Variants in C19orf38 observed in about 807,000 individuals in gnomAD.
C19orf38 encodes the protein chromosome 19 open reading frame 38.
In C19orf38, 14 loss-of-function variants were observed where a neutral mutation model predicts 26.6. The ratio of observed to expected loss-of-function variants is 0.53; its 90% confidence interval spans 0.35 to 0.82. C19orf38 has a LOEUF of 0.82. Among genes scored for constraint, C19orf38 ranks in the 40% least tolerant of loss-of-function variants. The probability of loss-of-function intolerance (pLI) is 0.01; values close to 1 mark genes in which losing one functional copy is unlikely to be tolerated. For synonymous variants in C19orf38, 132 were observed against 128.5 expected (o/e 1.03, Z -0.18); for missense variants, 261 against 299.5 (o/e 0.87, Z 0.95).
intron 1 of C19orf38, among the ~76,000 whole-genome samples, chr19:10,838,087 A>T (rs568092770): frequency 9.8e-5 from 15 of 152,300 alleles, no homozygotes; most frequent in Admixed American, 4.6e-4. Flanking sequence ...TGATTTTTTT[A>T]AATACAGTAA....
At chr19:10,853,525 T>A (rs4804535) in intron 2 of C19orf38, among the ~76,000 whole-genome samples, 151,697 of 151,710 alleles carry the variant, frequency 1, 75,842 homozygotes, top group Middle Eastern at 1. Flanking sequence ...ACCTCAGGTG[T>A]TCTGCCTGCC....
In C19orf38 at chr19:10,850,324, C is replaced by A; in HGVS notation, c.97C>A (p.Pro33Thr). 1 of 1,551,288 alleles carries A rather than the reference C, an allele frequency of 6.4e-7. No individual in the cohort carries two copies. The highest frequency in any genetic ancestry group is 1.2e-5 in the South Asian group (1 of 84,030). Reference sequence around the variant, plus strand: ...CCCGTACCCAAGCAGCCAAGAGGACCCCATCCACATCGCATGCATGGCCCC... The same window carrying A: ...CCCGTACCCAAGCAGCCAAGAGGACACCATCCACATCGCATGCATGGCCCC... ...VPPYPSSQED[P>T]IHIACMAPGN... Residue 33 changes from proline (P) to threonine (T), a missense_variant, in exon 2 of 7, where the codon CCC (proline) becomes ACC (threonine). By Grantham distance (38) the Pro-to-Thr change is conservative. Transcript: ENST00000397820.
intron 6 of C19orf38, among the ~76,000 whole-genome samples, chr19:10,864,716 G>A (rs2073735619): frequency 6.6e-6 from 1 of 152,166 alleles, no homozygotes; most frequent in Non-Finnish European, 1.5e-5. Context: ...AATGTTGGCA[G>A]TGGAGTTCGA....
rs576649219 is a variant in C19orf38 at position 10,861,878 on chromosome 19, G to A, written c.506-1292G>A. Among the ~76,000 whole-genome samples, 4 of 151,690 alleles carry A rather than the reference G, an allele frequency of 2.6e-5. No individual in the cohort carries two copies. The East Asian group carries it at 7.8e-4, about 29-fold the overall frequency. On this transcript the variant is annotated intron_variant, in intron 5 of 6. Transcript: ENST00000397820. ...CAGGCAATTACAGGCGTGAGCCACC[G>A]CCCTTTTGTTGTTGTTGTTTTTTGT...
intron 4 of C19orf38, among the ~76,000 whole-genome samples, chr19:10,859,138 T>C (rs950163598): frequency 6.7e-6 from 1 of 149,378 alleles, no homozygotes; most frequent in African/African-American, 2.5e-5. Flanking sequence ...GATTTCTCCA[T>C]GTTGGTCCGG....
At chr19:10,839,257 T>C (rs915972031) in intron 1 of C19orf38, among the ~76,000 whole-genome samples, 4 of 152,304 alleles carry the variant, frequency 2.6e-5, no homozygotes, top group South Asian at 2.1e-4. Context: ...AAAGGGGAGA[T>C]GGAGCCTCCG....
At chr19:10,837,926 A>C (rs1161892415) in intron 1 of C19orf38, among the ~76,000 whole-genome samples, 1 of 151,850 alleles carries the variant, frequency 6.6e-6, no homozygotes, top group Non-Finnish European at 1.5e-5. Flanking sequence ...CAGCCTCCTG[A>C]GTAGCTGGGA....
chr19:10,869,223 G>A lies in C19orf38; in HGVS notation c.549G>A (p.Thr183=). The A allele has an allele frequency of 1.3e-6, 2 of 1,551,588 alleles. No homozygotes were observed. The highest frequency in any genetic ancestry group is 1.7e-6 in the Non-Finnish European group (2 of 1,146,938). The change falls in exon 7 of 7, where the codon ACG becomes ACA. Residue 183 remains threonine (T), a synonymous_variant. Transcript: ENST00000397820. The part of the protein sequence containing the change: ...DNSLFTVSAK[T]MPEEDPATLD... Reference sequence around the variant, plus strand: ...TTCTTCTTACATGGACAAAGAAAACGATGCCAGAAGAAGACCCGGCCACCT... The same window carrying A: ...TTCTTCTTACATGGACAAAGAAAACAATGCCAGAAGAAGACCCGGCCACCT...
intron 3 of C19orf38, 71 bp downstream of exon 3, chr19:10,856,428 C>T: frequency 8.4e-7 from 1 of 1,192,238 alleles, no homozygotes; most frequent in Non-Finnish European, 1.2e-6. Context: ...TGTGCTTACA[C>T]TCACAACTCA....
At chr19:10,838,185 C>T (rs551664793) in intron 1 of C19orf38, among the ~76,000 whole-genome samples, 37 of 152,258 alleles carry the variant, frequency 2.4e-4, no homozygotes, top group Non-Finnish European at 4.4e-4. Flanking sequence ...CCAAGGCAGG[C>T]GGATCATGAG....
At chr19:10,840,013 T>TG (rs1264266859) in intron 1 of C19orf38, among the ~76,000 whole-genome samples, 1 of 152,200 alleles carries the variant, frequency 6.6e-6, no homozygotes, top group African/African-American at 2.4e-5. Flanking sequence ...TGAGTCACTG[T>TG]GCCTGGCCCC....
At chr19:10,836,966 A>G (rs1345236935) in intron 1 of C19orf38, among the ~76,000 whole-genome samples, 1 of 152,076 alleles carries the variant, frequency 6.6e-6, no homozygotes, top group Non-Finnish European at 1.5e-5. Context: ...GGTCAGAAAA[A>G]CGACAGCCCA....
intron 5 of C19orf38, among the ~76,000 whole-genome samples, chr19:10,861,271 G>C (rs1002551665): frequency 6.6e-6 from 1 of 152,234 alleles, no homozygotes. Context: ...CGGGACTCCA[G>C]GGCCACACTT....
At chr19:10,865,552 A>T (rs2073743691) in intron 6 of C19orf38, among the ~76,000 whole-genome samples, 2 of 151,904 alleles carry the variant, frequency 1.3e-5, no homozygotes, top group African/African-American at 2.4e-5. Flanking sequence ...AGATTGCTTG[A>T]GCCTGGGAGG....
chr19:10,868,934 C>T (rs375713302), intron 6 of C19orf38, among the ~76,000 whole-genome samples: 2 of 152,290 alleles, frequency 1.3e-5, no homozygotes, highest in East Asian at 3.9e-4. Flanking sequence ...GCATTCTGCC[C>T]GTTTTGCAGA....
chr19:10,860,953 GC>G (rs1234539954), intron 5 of C19orf38, among the ~76,000 whole-genome samples: 1 of 151,668 alleles, frequency 6.6e-6, no homozygotes, highest in African/African-American at 2.4e-5. Flanking sequence ...GACCATCCTG[GC>G]CAACATGGTG....
chr19:10,866,681 C>G (rs2073755676), intron 6 of C19orf38, among the ~76,000 whole-genome samples: 1 of 151,568 alleles, frequency 6.6e-6, no homozygotes, highest in Non-Finnish European at 1.5e-5. Flanking sequence ...CGGAGTTTCG[C>G]AATTATCGTC....
chr19:10,845,071 C>A (rs557255646), upstream of C19orf38, among the ~76,000 whole-genome samples: 7 of 149,744 alleles, frequency 4.7e-5, no homozygotes, highest in Admixed American at 2.0e-4. Context: ...GTGGGAGGAT[C>A]ACTTGAGCCT....
chr19:10,851,274 G>A (rs569221003), intron 2 of C19orf38, among the ~76,000 whole-genome samples: 1 of 149,948 alleles, frequency 6.7e-6, no homozygotes, highest in South Asian at 2.1e-4. Context: ...GGCCAGTCTC[G>A]AACCCCTGAC....
Sources: gnomAD v4.1 joint callset for allele counts (sites outside exome capture counted in the v4.1 genomes callset) on GRCh38, gnomAD v4.1.1 for gene constraint, MANE v1.5 for transcripts, NCBI Gene and HGNC (gene_info 2026-07-23, HGNC 2026-07-21) for gene names.